The following OPA1 variants were observed in gnomAD, a reference collection of about 807,000 sequenced individuals.
The protein encoded by OPA1 is OPA1 mitochondrial dynamin like GTPase.
Under a neutral mutation model 152.9 loss-of-function variants are expected in OPA1, and 59 were observed. The ratio of observed to expected loss-of-function variants is 0.39; its 90% CI spans 0.31 to 0.48. The LOEUF (loss-of-function observed/expected upper bound fraction) is 0.48. OPA1 is among the 20% of genes least tolerant of loss of function. OPA1 has a pLI of 0.96. For synonymous variants in OPA1, 400 were observed against 389.9 expected (o/e 1.03, Z -0.31); for missense variants, 1,008 against 1,216.8 (o/e 0.83, Z 2.55).
chr3:193,605,785 A>C (rs1727162218), intron 1 of OPA1, among the ~76,000 whole-genome samples: 1 of 152,196 alleles, frequency 6.6e-6, no homozygotes. Flanking sequence ...TGTTTTTCTG[A>C]AAGGGGGCTC....
chr3:193,684,411 TCATTGA>T (rs1425320468), intron 29 of OPA1, among the ~76,000 whole-genome samples: 1 of 150,720 alleles, frequency 6.6e-6, no homozygotes, highest in African/African-American at 2.4e-5. Flanking sequence ...GATTTTACAC[TCATTGA>T]CATTGACAAG....
chr3:193,638,060 G>A lies in OPA1; in HGVS notation c.1144G>A (p.Val382Ile), dbSNP rs1358982822. The A allele has an allele frequency of 6.2e-7, 1 of 1,612,474 alleles. No homozygotes were observed. Among genetic ancestry groups the A allele is most frequent in the Non-Finnish European group, 8.5e-7 (1 of 1,178,556 alleles). Reference sequence around the variant, plus strand: ...TGGGGAGATGATGACACGTTCTCCAGTTAAGGTAAGAACATAGGCCGTCTC... The same window carrying A: ...TGGGGAGATGATGACACGTTCTCCAATTAAGGTAAGAACATAGGCCGTCTC... The part of the protein sequence containing the change: ...GSGEMMTRSP[V>I]KVTLSEGPHH... Residue 382 changes from valine to isoleucine, a missense_variant, in exon 11 of 31, where the codon GTT becomes ATT. By Grantham distance (29) the Val-to-Ile change is conservative. Around this residue, in one of 7 missense-constraint regions of OPA1, gnomAD observed 213 missense variants for 291.4 expected, o/e 0.73. Coordinates refer to ENST00000361510, the MANE Select transcript of OPA1 (RefSeq NM_130837.3).
At chr3:193,624,278 A>G (rs1233554452) in intron 6 of OPA1, 3 of 152,184 alleles carry the variant, frequency 2.0e-5, no homozygotes, top group Non-Finnish European at 4.4e-5. Flanking sequence ...CCCCCTTCTC[A>G]CTATTGCTCT....
At chr3:193,651,602 G>A (rs978448342) in intron 21 of OPA1, among the ~76,000 whole-genome samples, 10 of 152,158 alleles carry the variant, frequency 6.6e-5, no homozygotes, top group African/African-American at 2.4e-4. Context: ...GAATTATATA[G>A]TATTTGGTTT....
intron 29 of OPA1, among the ~76,000 whole-genome samples, chr3:193,671,490 G>A (rs906455268): frequency 8.5e-5 from 13 of 152,204 alleles, no homozygotes; most frequent in Non-Finnish European, 1.8e-4. Context: ...TATGATCCTA[G>A]ATTGGATCTT....
chr3:193,624,568 G>C lies in OPA1; in HGVS notation c.679-1524G>C, dbSNP rs1730722469. On this transcript the variant is annotated intron_variant, in intron 6 of 30. Coordinates refer to ENST00000361510, the MANE Select transcript of OPA1 (RefSeq NM_130837.3). Reference sequence around the variant, plus strand: ...AAGGTAAAAATTATGAGAATGATGAGGATAGTAGTTAGCATTGTCTTTCTT... The same window carrying C: ...AAGGTAAAAATTATGAGAATGATGACGATAGTAGTTAGCATTGTCTTTCTT... 2.0e-5 allele frequency among the ~76,000 whole-genome samples: 3 copies of C among 152,098 alleles called. No individual in the cohort carries two copies. The South Asian group carries it at 6.2e-4, about 32-fold the overall frequency.
chr3:193,660,962 GTATCTGGCCTTCAAGAC>G (rs1303678012), intron 25 of OPA1, among the ~76,000 whole-genome samples: 1 of 152,186 alleles, frequency 6.6e-6, no homozygotes, highest in East Asian at 1.9e-4. Context: ...AAGAAAAATG[GTATCTGGCCTTCAAGAC>G]TTAGTGATAT....
chr3:193,657,055 C>CT (rs752684627), intron 22 of OPA1, 25 bp from the exon 23 acceptor site: 10 of 1,595,482 alleles, frequency 6.3e-6, no homozygotes, highest in Admixed American at 5.3e-5. Flanking sequence ...AATAATATGG[C>CT]TTTTTTTCTT....
chr3:193,652,600 G>A (rs973309727), intron 21 of OPA1, among the ~76,000 whole-genome samples: 15 of 152,120 alleles, frequency 9.9e-5, no homozygotes, highest in African/African-American at 3.4e-4. Flanking sequence ...TTTAACTGCT[G>A]AATAGCTTCA....
chr3:193,635,425 A>G lies in OPA1; in HGVS notation c.851A>G (p.Tyr284Cys), dbSNP rs760177302. The change falls in exon 9 of 31, where the codon TAT becomes TGT. Residue 284 changes from tyrosine to cysteine, a missense_variant. Transcript: ENST00000361510. ...CTTATTATTTTATTGCAGTTGAAGT[A>G]TCAGAGAATCTTGGAACGATTAGAA... ...QEELLHTQLK[Y>C]QRILERLEKE... 7 of 1,584,250 alleles carry G rather than the reference A, an allele frequency of 4.4e-6. No homozygotes were observed. The highest frequency in any genetic ancestry group is 2.7e-5 in the African/African-American group (2 of 74,360).
At chr3:193,651,464 A>G (rs1463474281) in intron 21 of OPA1, among the ~76,000 whole-genome samples, 1 of 152,226 alleles carries the variant, frequency 6.6e-6, no homozygotes, top group East Asian at 1.9e-4. Flanking sequence ...GTATGTTTAT[A>G]TTCAGTAATT....
chr3:193,688,449 CTTTTTTTTTTTTTTTTTTTTT>C (rs766448341), intron 29 of OPA1, among the ~76,000 whole-genome samples: 3,555 of 63,350 alleles, frequency 0.056, 308 homozygotes, highest in African/African-American at 0.17. Context: ...TGGGTCTTTT[CTTTTTTTTTTTTTTTTTTTTT>C]TTTTTTTTTT....
At chr3:193,633,197 T>TGACAAAGGCATTCATCA (rs1170897098) in intron 8 of OPA1, among the ~76,000 whole-genome samples, 43 of 152,268 alleles carry the variant, frequency 2.8e-4, no homozygotes, top group Middle Eastern at 6.8e-3. Flanking sequence ...CTGGAGCACA[T>TGACAAAGGCATTCATCA]TAGAAATGCA....
At chr3:193,655,126 T>C (rs1713477981) in intron 22 of OPA1, 99 bp downstream of exon 22, 22 of 1,082,874 alleles carry the variant, frequency 2.0e-5, no homozygotes, top group Non-Finnish European at 3.0e-5. Context: ...TCTATCTTTC[T>C]TTTAGGTCTT....
At chr3:193,594,148 T>C (rs574551853) in intron 1 of OPA1, among the ~76,000 whole-genome samples, 12 of 152,328 alleles carry the variant, frequency 7.9e-5, no homozygotes, top group African/African-American at 2.9e-4. Context: ...CGTTACTATA[T>C]GCATTGTAAT....
chr3:193,681,705 A>G (rs925544838), intron 29 of OPA1, among the ~76,000 whole-genome samples: 8 of 152,178 alleles, frequency 5.3e-5, no homozygotes, highest in Non-Finnish European at 7.3e-5. Flanking sequence ...AATTCTTGCA[A>G]TATTTCAAAT....
At chr3:193,612,268 CT>C (rs34283831) in intron 1 of OPA1, among the ~76,000 whole-genome samples, 3,602 of 116,296 alleles carry the variant, frequency 0.031, 164 homozygotes, top group African/African-American at 0.1. Flanking sequence ...GTCTAACTTC[CT>C]TTTTTTTTTT....
rs1400807271 is a variant in OPA1, at chr3:193,644,058, T to C, written c.1561T>C (p.Leu521=). 1.9e-6 allele frequency: 3 copies of C among 1,613,894 alleles called. No homozygotes were observed. Among genetic ancestry groups the C allele is most frequent in the Non-Finnish European group, 2.5e-6 (3 of 1,179,842 alleles). Residue 521 remains leucine (L), a synonymous_variant, in exon 16 of 31, where the codon TTG becomes CTG. Transcript: ENST00000361510. ...DPHGRRTIFV[L]TKVDLAEKNV... ...TCATGGAAGGAGAACCATATTCGTTTTGACCAAAGTAGACCTGGCAGAGAA... is the reference window on the plus strand; with the variant it reads ...TCATGGAAGGAGAACCATATTCGTTCTGACCAAAGTAGACCTGGCAGAGAA...
intron 29 of OPA1, among the ~76,000 whole-genome samples, chr3:193,679,396 A>G (rs1719764377): frequency 6.6e-6 from 1 of 152,156 alleles, no homozygotes; most frequent in Admixed American, 6.5e-5. Flanking sequence ...AAACTCTAGG[A>G]TCTGGCCCTC....
Sources: gnomAD v4.1 joint callset for allele counts (sites outside exome capture counted in the v4.1 genomes callset) on GRCh38, gnomAD v4.1.1 for gene constraint, gnomAD v4.1.1 regional missense constraint, MANE v1.5 for transcripts, NCBI Gene and HGNC (gene_info 2026-07-23, HGNC 2026-07-21) for gene names.